PDE7B: variants seen among roughly 807,000 people sequenced by gnomAD.
PDE7B encodes the protein phosphodiesterase 7B, also known as 3',5'-cyclic-AMP phosphodiesterase 7B.
PDE7B carries 29 observed loss-of-function variants against 56.2 expected under a neutral mutation model. The ratio of observed to expected loss-of-function variants is 0.52; its 90% CI spans 0.38 to 0.70. The LOEUF is 0.70. Among genes scored for constraint, PDE7B ranks in the 30% least tolerant of loss-of-function variants. PDE7B has a pLI of 0.00. For synonymous variants in PDE7B, 197 were observed against 196.9 expected (o/e 1.00, Z 0.00); for missense variants, 490 against 565.0 (o/e 0.87, Z 1.35).
intron 1 of PDE7B, among the ~76,000 whole-genome samples, chr6:135,897,263 GGTGTGT>G (rs3037814): frequency 2.7e-5 from 4 of 149,912 alleles, no homozygotes; most frequent in Non-Finnish European, 4.5e-5. Context: ...ATTGTGTCAG[GGTGTGT>G]GTGTGTGTGT....
intron 11 of PDE7B, among the ~76,000 whole-genome samples, chr6:136,184,093 A>G (rs1023327261): frequency 7.9e-5 from 12 of 152,196 alleles, no homozygotes; most frequent in African/African-American, 2.9e-4. Flanking sequence ...CTAATCCTCA[A>G]CAAAACTGAT....
intron 1 of PDE7B, among the ~76,000 whole-genome samples, chr6:135,886,693 C>T (rs974605260): frequency 3.3e-5 from 5 of 152,112 alleles, no homozygotes; most frequent in African/African-American, 1.2e-4. Context: ...CTGCAGAAGA[C>T]ATTATTTCAT....
rs116889488 is a variant in PDE7B, at chr6:136,024,730, C to T, written c.82+77206C>T. 1.6e-3 allele frequency among the ~76,000 whole-genome samples: 243 copies of T among 152,274 alleles called. 2 individuals carry two copies. The East Asian group carries it at 0.027, about 17-fold the overall frequency. On this transcript the variant is annotated intron_variant, in intron 2 of 12. Transcript: ENST00000308191. ...AAGAACTCAGTCTAATATTATGCAA[C>T]ACCCTAGTTCAATTCGAGAATAAAA...
At chr6:135,861,303 G>T (rs139097527) in intron 1 of PDE7B, among the ~76,000 whole-genome samples, 19 of 151,798 alleles carry the variant, frequency 1.3e-4, no homozygotes, top group African/African-American at 4.3e-4. Flanking sequence ...ATTCAAAATT[G>T]CTCAAAGTGG....
At chr6:136,089,098 A>G (rs1777341280) in intron 2 of PDE7B, among the ~76,000 whole-genome samples, 1 of 152,284 alleles carries the variant, frequency 6.6e-6, no homozygotes, top group Admixed American at 6.5e-5. Context: ...CTCATTTTCT[A>G]TTACATTTGA....
intron 3 of PDE7B, among the ~76,000 whole-genome samples, chr6:136,113,250 T>C (rs904299620): frequency 8.5e-5 from 13 of 152,334 alleles, no homozygotes; most frequent in Admixed American, 7.8e-4. Context: ...TACATATAGA[T>C]CTTGAAATAT....
At chr6:136,009,615 C>T (rs1295108809) in intron 2 of PDE7B, among the ~76,000 whole-genome samples, 1 of 152,194 alleles carries the variant, frequency 6.6e-6, no homozygotes, top group Non-Finnish European at 1.5e-5. Context: ...TGGGCATTCA[C>T]TCATGATTTG....
intron 2 of PDE7B, among the ~76,000 whole-genome samples, chr6:136,064,946 A>G (rs1178544353): frequency 1.3e-5 from 2 of 152,216 alleles, no homozygotes; most frequent in East Asian, 3.9e-4. Context: ...TTCATTGTGA[A>G]TGAATGAATA....
intron 1 of PDE7B, among the ~76,000 whole-genome samples, chr6:135,867,450 T>A (rs1775283326): frequency 6.6e-6 from 1 of 152,106 alleles, no homozygotes; most frequent in Non-Finnish European, 1.5e-5. Context: ...AGGTCAGGGG[T>A]ACATGTGCAG....
intron 2 of PDE7B, among the ~76,000 whole-genome samples, chr6:136,093,420 C>A (rs918478664): frequency 8.5e-5 from 13 of 152,152 alleles, no homozygotes; most frequent in African/African-American, 3.1e-4. Flanking sequence ...CTAGCACAGT[C>A]CAGCTTAATT....
intron 3 of PDE7B, among the ~76,000 whole-genome samples, chr6:136,110,737 A>G (rs1194842737): frequency 7.1e-6 from 1 of 141,210 alleles, no homozygotes; most frequent in Non-Finnish European, 1.5e-5. Flanking sequence ...TTTTTTTACA[A>G]TTTGCCTCTT....
At chr6:136,092,127 G>A (rs998609490) in intron 2 of PDE7B, among the ~76,000 whole-genome samples, 3 of 152,150 alleles carry the variant, frequency 2.0e-5, no homozygotes, top group Non-Finnish European at 4.4e-5. Context: ...AATAATACAT[G>A]AGTATAACAG....
chr6:135,899,322 G>T (rs1017210160), intron 1 of PDE7B, among the ~76,000 whole-genome samples: 1 of 151,718 alleles, frequency 6.6e-6, no homozygotes, highest in African/African-American at 2.4e-5. Context: ...CCTGAAACCT[G>T]GGTAATGTCT....
At chr6:135,942,862 T>A (rs1336464027) in intron 1 of PDE7B, among the ~76,000 whole-genome samples, 1 of 151,596 alleles carries the variant, frequency 6.6e-6, no homozygotes, top group Non-Finnish European at 1.5e-5. Context: ...TATTCCATTG[T>A]GTGTGTGTGT....
At chr6:136,186,600 T>G (rs1445444033) in intron 11 of PDE7B, among the ~76,000 whole-genome samples, 1 of 152,204 alleles carries the variant, frequency 6.6e-6, no homozygotes, top group Non-Finnish European at 1.5e-5. Context: ...TCCTACCTAC[T>G]TACTGTTCCT....
intron 9 of PDE7B, among the ~76,000 whole-genome samples, chr6:136,176,764 G>C (rs1583926397): frequency 6.6e-6 from 1 of 151,992 alleles, no homozygotes; most frequent in Non-Finnish European, 1.5e-5. Flanking sequence ...AAGAATGAGG[G>C]GAACCATTTT....
chr6:136,138,179 G>A (rs1667337261), intron 3 of PDE7B, among the ~76,000 whole-genome samples: 1 of 152,056 alleles, frequency 6.6e-6, no homozygotes, highest in South Asian at 2.1e-4. Flanking sequence ...GGAATTTAGC[G>A]AGCTATCTGT....
At chr6:136,052,529 G>A (rs1342884244) in intron 2 of PDE7B, among the ~76,000 whole-genome samples, 1 of 152,074 alleles carries the variant, frequency 6.6e-6, no homozygotes, top group Non-Finnish European at 1.5e-5. Flanking sequence ...CATCCCATTG[G>A]CTCCCCATGG....
At chr6:135,970,305 A>G (rs1775071716) in intron 2 of PDE7B, among the ~76,000 whole-genome samples, 1 of 151,994 alleles carries the variant, frequency 6.6e-6, no homozygotes, top group Non-Finnish European at 1.5e-5. Context: ...TTTTGTGGAG[A>G]GGCTGGTCTA....
Sources: allele counts gnomAD v4.1 joint callset (sites outside exome capture counted in the v4.1 genomes callset), GRCh38; gene constraint gnomAD v4.1.1; transcripts MANE v1.5; gene names NCBI Gene and HGNC (gene_info 2026-07-23, HGNC 2026-07-21).